The following OSBPL6 variants were observed in gnomAD, a reference collection of about 807,000 sequenced individuals.
OSBPL6 encodes the protein oxysterol binding protein like 6.
OSBPL6 carries 49 observed loss-of-function variants against 125.8 expected under a neutral mutation model. That is an observed-to-expected ratio of 0.39 (90% CI 0.31 to 0.49). The LOEUF is 0.49. OSBPL6 is among the 20% of genes least tolerant of loss of function. The probability of loss-of-function intolerance (pLI) is 0.88; values close to 1 mark genes in which losing one functional copy is unlikely to be tolerated. For missense variants in OSBPL6, 986 were observed against 1,135.4 expected, an observed-to-expected ratio of 0.87 and a Z score of 1.89; for synonymous variants, 394 against 391.8, an observed-to-expected ratio of 1.01 and a Z score of -0.07.
chr2:178,282,423 C>G (rs1684289852), intron 1 of OSBPL6, among the ~76,000 whole-genome samples: 1 of 152,156 alleles, frequency 6.6e-6, no homozygotes, highest in Admixed American at 6.5e-5. Context: ...TTGGTCCTCT[C>G]TTCTGGTTTA....
At chr2:178,254,291 G>A (rs937855984) in intron 1 of OSBPL6, among the ~76,000 whole-genome samples, 3 of 151,902 alleles carry the variant, frequency 2.0e-5, no homozygotes, top group Non-Finnish European at 4.4e-5. Context: ...TACTCAGGAG[G>A]CTGAGGCAGG....
At chr2:178,385,366 T>TA in intron 18 of OSBPL6, 92 bp from the exon 19 acceptor site, 1 of 896,520 alleles carries the variant, frequency 1.1e-6, no homozygotes, top group Non-Finnish European at 1.8e-6. Flanking sequence ...CAGATTTACT[T>TA]ATACATTTTG....
At chr2:178,202,556 C>T (rs1490946880) in intron 1 of OSBPL6, among the ~76,000 whole-genome samples, 1 of 152,160 alleles carries the variant, frequency 6.6e-6, no homozygotes, top group East Asian at 1.9e-4. Flanking sequence ...GGCGCTGTGG[C>T]TGACGCCTGT....
chr2:178,218,419 AAGAG>A (rs796884763), intron 1 of OSBPL6, among the ~76,000 whole-genome samples: 1 of 135,568 alleles, frequency 7.4e-6, no homozygotes, highest in Non-Finnish European at 1.5e-5. Context: ...AAAAAAAAAA[AAGAG>A]AGAGAGAGAA....
In OSBPL6 at chr2:178,276,547, A is replaced by AT. The variant is rs1392450798; in HGVS notation, c.-350-8375dup. Among the ~76,000 whole-genome samples the AT allele has an allele frequency of 4.0e-5, 6 of 151,720 alleles. No individual in the cohort carries two copies. In the South Asian group the frequency reaches 8.3e-4, roughly 21 times the overall value. ...ACCACCACACCCAGCTAATTTTTGT[A>AT]TTTTTAGTAGAGACAAGGTTTCACC... On this transcript the variant is annotated intron_variant, in intron 1 of 24. Transcript: ENST00000190611.
At chr2:178,227,842 TAGGGGG>T (rs2090626476) in intron 1 of OSBPL6, among the ~76,000 whole-genome samples, 2 of 152,240 alleles carry the variant, frequency 1.3e-5, no homozygotes, top group East Asian at 3.9e-4. Context: ...GTTACCTCAG[TAGGGGG>T]AGGCAGGAAG....
At chr2:178,282,188 T>A (rs1684262059) in intron 1 of OSBPL6, among the ~76,000 whole-genome samples, 1 of 152,194 alleles carries the variant, frequency 6.6e-6, no homozygotes, top group African/African-American at 2.4e-5. Flanking sequence ...TGGCAAAGAC[T>A]ATGGCGAAAG....
In OSBPL6 at chr2:178,197,477, A is replaced by G. The variant is rs144643835; in HGVS notation, c.-351+2803A>G. 2.8e-3 allele frequency among the ~76,000 whole-genome samples: 424 copies of G among 152,316 alleles called. 2 individuals carry two copies. Among genetic ancestry groups the G allele is most frequent in the Middle Eastern group, 0.01 (3 of 294 alleles). ...TTGTACAGTAATTCCCCCGTTATCC[A>G]AAGGGAGTATGTTCCAAGTTCCCTA... is the stretch of plus-strand genomic sequence containing the variant. On this transcript the variant is annotated intron_variant, in intron 1 of 24. Transcript: ENST00000190611.
At chr2:178,323,919 TCGAGAGA>T in intron 3 of OSBPL6, 1 of 286,436 alleles carries the variant, frequency 3.5e-6, no homozygotes, top group Non-Finnish European at 6.6e-6. Context: ...ATAAAATTTT[TCGAGAGA>T]TATTCCTCTG....
intron 1 of OSBPL6, among the ~76,000 whole-genome samples, chr2:178,229,114 G>A (rs1309674052): frequency 3.3e-5 from 5 of 152,166 alleles, no homozygotes; most frequent in Admixed American, 1.3e-4. Context: ...CAAAATACAA[G>A]GGGTGGCCCC....
At chr2:178,307,452 A>G (rs934401271) in intron 3 of OSBPL6, among the ~76,000 whole-genome samples, 1 of 152,162 alleles carries the variant, frequency 6.6e-6, no homozygotes, top group African/African-American at 2.4e-5. Flanking sequence ...AACTTTTGAT[A>G]CTGGTGTCTT....
At position 178,306,268 on chromosome 2, in the gene OSBPL6, C is replaced by T. The variant is rs1215373126; in HGVS notation, c.84C>T (p.Ser28=). Residue 28 remains serine, a synonymous_variant, in exon 3 of 25, where the codon TCC becomes TCT. Coordinates refer to ENST00000190611, the MANE Select transcript of OSBPL6 (RefSeq NM_032523.4). ...THRSASSSTS[S]QRDSRQSIHI... The stretch of plus-strand genomic sequence containing the variant: ...GAAGTGCCTCCTCTTCAACATCCTC[C>T]CAAAGGGACAGTAGGCAGGTAAGAG... 2 of 1,611,750 alleles carry T rather than the reference C, an allele frequency of 1.2e-6. No homozygotes were observed. Among genetic ancestry groups the T allele is most frequent in the South Asian group, 2.2e-5 (2 of 91,032 alleles).
chr2:178,280,610 C>T (rs1684062345), intron 1 of OSBPL6, among the ~76,000 whole-genome samples: 1 of 152,200 alleles, frequency 6.6e-6, no homozygotes, highest in Non-Finnish European at 1.5e-5. Flanking sequence ...TGAAAATATA[C>T]ACTTTCGTGC....
intron 3 of OSBPL6, among the ~76,000 whole-genome samples, chr2:178,318,059 G>A (rs1687921702): frequency 6.6e-6 from 1 of 152,184 alleles, no homozygotes; most frequent in Admixed American, 6.5e-5. Flanking sequence ...GAATAAGGAG[G>A]AAGTTCACCA....
At chr2:178,345,648 G>A (rs1368905) in intron 11 of OSBPL6, among the ~76,000 whole-genome samples, 43,793 of 152,028 alleles carry the variant, frequency 0.29, 6,851 homozygotes, top group Admixed American at 0.4. Flanking sequence ...AATCAGTTAA[G>A]TATTATTAAA....
chr2:178,343,302 G>A (rs868252961), intron 11 of OSBPL6, among the ~76,000 whole-genome samples: 19 of 151,914 alleles, frequency 1.3e-4, no homozygotes, highest in South Asian at 4.2e-4. Context: ...TGGGAGGGTC[G>A]CTTGAGGCCA....
intron 1 of OSBPL6, among the ~76,000 whole-genome samples, chr2:178,217,721 A>G (rs1390618957): frequency 6.6e-6 from 1 of 152,196 alleles, no homozygotes; most frequent in Admixed American, 6.5e-5. Context: ...TAATCTTATT[A>G]TGCAAATAGC....
chr2:178,383,156 A>AATTT lies in OSBPL6; in HGVS notation c.1755_1756insTTTA (p.Val586PhefsTer20), dbSNP rs757585162. ...AACAACATTGGTAAAGACCTGTCTAAAGTCTCTATGCCTGTGGAGCTAAAC... is the reference window on the plus strand; with the variant it reads ...AACAACATTGGTAAAGACCTGTCTAAATTTAGTCTCTATGCCTGTGGAGCTAAAC... On this transcript the variant is annotated frameshift_variant, in exon 17 of 25. Transcript: ENST00000190611. LOFTEE classifies it high-confidence loss of function. 1 of 1,614,168 alleles carries AATTT rather than the reference A, an allele frequency of 6.2e-7. No individual in the cohort carries two copies. Among genetic ancestry groups the AATTT allele is most frequent in the Admixed American group, 1.7e-5 (1 of 60,024 alleles).
At chr2:178,247,014 CCA>C (rs10549746) in intron 1 of OSBPL6, among the ~76,000 whole-genome samples, 63,527 of 131,502 alleles carry the variant, frequency 0.48, 12,937 homozygotes, top group African/African-American at 0.61. Flanking sequence ...CTGCCCCTCC[CCA>C]CCCCCCCATG....
Sources: allele counts gnomAD v4.1 joint callset (sites outside exome capture counted in the v4.1 genomes callset), GRCh38; gene constraint gnomAD v4.1.1; transcripts MANE v1.5; gene names NCBI Gene and HGNC (gene_info 2026-07-23, HGNC 2026-07-21).